Variants in SNTG1 observed in about 807,000 individuals in gnomAD.
The protein encoded by SNTG1 is gamma-1-syntrophin.
SNTG1 carries 39 observed loss-of-function variants against 74.7 expected under a neutral mutation model. The observed-to-expected ratio is 0.52, with a 90% CI of 0.40 to 0.68. The LOEUF is 0.68. SNTG1 is among the 30% of genes least tolerant of loss of function. The probability of loss-of-function intolerance (pLI) is 0.00; values close to 1 mark genes in which losing one functional copy is unlikely to be tolerated. For synonymous variants in SNTG1, 254 were observed against 217.1 expected, an observed-to-expected ratio of 1.17 and a Z score of -1.49; for missense variants, 685 against 609.5, an observed-to-expected ratio of 1.12 and a Z score of -1.30.
At chr8:49,923,115 G>A (rs141629809) in intron 1 of SNTG1, among the ~76,000 whole-genome samples, 3 of 152,076 alleles carry the variant, frequency 2.0e-5, no homozygotes, top group South Asian at 2.1e-4. Context: ...CCATTCTACC[G>A]AATAACTCAA....
Position 50,593,675 on chromosome 8 carries a change from C to A in SNTG1, c.849+2758C>A, listed in dbSNP as rs140116503. Among the ~76,000 whole-genome samples, 569 of 151,554 alleles carry A rather than the reference C, an allele frequency of 3.8e-3. 5 individuals are homozygous for A. Among genetic ancestry groups the A allele is most frequent in the African/African-American group, 0.013 (534 of 41,338 alleles). ...TTCCATTTTTTCTATGCATCTGGAA[C>A]ACATTCATGTGCTTTTGTTCTATTA... On this transcript the variant is annotated intron_variant, in intron 13 of 18. Transcript: ENST00000642720.
In SNTG1 at chr8:49,940,781, A is replaced by G. The variant is rs1037801890; in HGVS notation, c.-103+28550A>G. 2.6e-4 allele frequency among the ~76,000 whole-genome samples: 39 copies of G among 152,180 alleles called. 2 individuals carry two copies. The highest frequency in any genetic ancestry group is 7.2e-4 in the Admixed American group (11 of 15,268). ...AATATTAAACACAGAAATATTGAAT[A>G]TTTTAAGTATGTAATCATACATGTG... is the stretch of plus-strand genomic sequence containing the variant. On this transcript the variant is annotated intron_variant, in intron 1 of 18. Coordinates refer to ENST00000642720, the MANE Select transcript of SNTG1 (RefSeq NM_018967.5).
chr8:50,296,230 A>C (rs1252186997), intron 2 of SNTG1, among the ~76,000 whole-genome samples: 1 of 152,200 alleles, frequency 6.6e-6, no homozygotes, highest in Non-Finnish European at 1.5e-5. Context: ...ATAGAACCAG[A>C]AATACTATTT....
chr8:50,155,237 A>C (rs1586514299), intron 1 of SNTG1, among the ~76,000 whole-genome samples: 1 of 152,364 alleles, frequency 6.6e-6, no homozygotes, highest in South Asian at 2.1e-4. Context: ...AGAGATCATA[A>C]GAAAAGGATA....
chr8:50,578,586 T>G (rs925123321), intron 12 of SNTG1, among the ~76,000 whole-genome samples: 1 of 152,196 alleles, frequency 6.6e-6, no homozygotes, highest in Non-Finnish European at 1.5e-5. Context: ...CCACATGTTG[T>G]GGGAGGGACC....
At chr8:50,093,037 T>C (rs1035739222) in intron 1 of SNTG1, among the ~76,000 whole-genome samples, 6 of 152,058 alleles carry the variant, frequency 3.9e-5, no homozygotes, top group African/African-American at 1.4e-4. Flanking sequence ...TTAACACCCA[T>C]CTGTGTAGAG....
intron 2 of SNTG1, among the ~76,000 whole-genome samples, chr8:50,386,483 G>T (rs146817211): frequency 1.1e-4 from 17 of 151,200 alleles, no homozygotes; most frequent in Non-Finnish European, 2.2e-4. Context: ...GGGTATCAGC[G>T]TCCTTCTTTA....
At chr8:50,688,576 G>A (rs931894668) in intron 15 of SNTG1, among the ~76,000 whole-genome samples, 4 of 152,108 alleles carry the variant, frequency 2.6e-5, no homozygotes, top group Non-Finnish European at 5.9e-5. Flanking sequence ...TAGATATGCG[G>A]CATTATTTCT....
At chr8:50,245,708 C>G (rs1273762969) in intron 2 of SNTG1, among the ~76,000 whole-genome samples, 1 of 151,862 alleles carries the variant, frequency 6.6e-6, no homozygotes, top group East Asian at 1.9e-4. Context: ...CAAAAGAAAA[C>G]AAAACAAAAA....
intron 13 of SNTG1, among the ~76,000 whole-genome samples, chr8:50,652,879 A>G (rs1461755517): frequency 1.3e-5 from 2 of 151,930 alleles, no homozygotes; most frequent in African/African-American, 4.8e-5. Flanking sequence ...AAACATTATT[A>G]TGTCTTTTTG....
chr8:50,241,587 A>C (rs1404095941), intron 2 of SNTG1, among the ~76,000 whole-genome samples: 1 of 152,198 alleles, frequency 6.6e-6, no homozygotes, highest in African/African-American at 2.4e-5. Flanking sequence ...TTCTGCATCT[A>C]TGAAGCTTCT....
chr8:49,987,599 T>C (rs1481009911), intron 1 of SNTG1, among the ~76,000 whole-genome samples: 2 of 152,090 alleles, frequency 1.3e-5, no homozygotes, highest in African/African-American at 4.8e-5. Context: ...TGCTATAATA[T>C]TAGGTCGGTG....
chr8:50,566,215 G>T (rs992102389), intron 12 of SNTG1, among the ~76,000 whole-genome samples: 2 of 151,898 alleles, frequency 1.3e-5, no homozygotes, highest in African/African-American at 4.8e-5. Context: ...CTGTTGAAAG[G>T]TTTAATACTC....
chr8:49,998,959 G>A (rs1478308960), intron 1 of SNTG1, among the ~76,000 whole-genome samples: 1 of 152,124 alleles, frequency 6.6e-6, no homozygotes, highest in African/African-American at 2.4e-5. Flanking sequence ...TGGCAACACA[G>A]TCTATAAAAT....
intron 1 of SNTG1, among the ~76,000 whole-genome samples, chr8:50,170,680 A>C (rs931189076): frequency 6.6e-6 from 1 of 152,216 alleles, no homozygotes; most frequent in Non-Finnish European, 1.5e-5. Context: ...GATTCTATGC[A>C]GTCTCACAAT....
chr8:49,926,921 A>G (rs1807079748), intron 1 of SNTG1, among the ~76,000 whole-genome samples: 1 of 152,244 alleles, frequency 6.6e-6, no homozygotes, highest in East Asian at 1.9e-4. Context: ...CAATTAAAAA[A>G]TCGGTAAAGG....
intron 4 of SNTG1, among the ~76,000 whole-genome samples, chr8:50,421,289 G>A (rs755732230): frequency 3.3e-5 from 5 of 152,074 alleles, no homozygotes; most frequent in East Asian, 1.9e-4. Flanking sequence ...AGAAGCGTTC[G>A]GGGCTGCTAG....
intron 2 of SNTG1, among the ~76,000 whole-genome samples, chr8:50,348,699 A>T (rs553318809): frequency 2.0e-4 from 30 of 152,342 alleles, no homozygotes; most frequent in African/African-American, 7.0e-4. Context: ...ATGACCCATA[A>T]TGAATGTGAC....
intron 12 of SNTG1, among the ~76,000 whole-genome samples, chr8:50,562,209 T>C (rs1283714884): frequency 6.6e-6 from 1 of 152,242 alleles, no homozygotes; most frequent in East Asian, 1.9e-4. Flanking sequence ...AAGATGTCTA[T>C]GTCCTAACTC....
Sources: allele counts gnomAD v4.1 joint callset (sites outside exome capture counted in the v4.1 genomes callset), GRCh38; gene constraint gnomAD v4.1.1; transcripts MANE v1.5; gene names NCBI Gene and HGNC (gene_info 2026-07-23, HGNC 2026-07-21).